Variants in MEF2C observed in about 807,000 individuals in gnomAD.
MEF2C encodes myocyte enhancer factor 2C.
A neutral mutation model predicts 50.5 loss-of-function variants in MEF2C; 6 were observed. That is an observed-to-expected ratio of 0.12 (90% CI 0.07 to 0.23). The LOEUF (loss-of-function observed/expected upper bound fraction) is 0.23, where lower values mean the gene tolerates loss of function less well. Among genes scored for constraint, MEF2C ranks in the 10% least tolerant of loss-of-function variants. The pLI, the probability that MEF2C is intolerant of heterozygous loss-of-function variation, is 1.00. For missense variants in MEF2C, 276 were observed against 605.0 expected, an observed-to-expected ratio of 0.46 and a Z score of 5.70; for synonymous variants, 183 against 228.0, an observed-to-expected ratio of 0.80 and a Z score of 1.78.
At chr5:88,729,494 C>T (rs1330867074) in intron 8 of MEF2C, 147 bp from the exon 9 acceptor site, 18 of 729,476 alleles carry the variant, frequency 2.5e-5, no homozygotes, top group Non-Finnish European at 3.6e-5. Context: ...ATGAACTCTG[C>T]CAACCCTATC....
At chr5:88,773,109 C>T (rs1399824471) in intron 3 of MEF2C, among the ~76,000 whole-genome samples, 2 of 152,220 alleles carry the variant, frequency 1.3e-5, no homozygotes, top group South Asian at 2.1e-4. Flanking sequence ...TGTGTTAGAA[C>T]GAAGTTCTAT....
At chr5:88,765,490 A>G (rs937774600) in intron 3 of MEF2C, among the ~76,000 whole-genome samples, 6 of 152,242 alleles carry the variant, frequency 3.9e-5, no homozygotes, top group South Asian at 2.1e-4. Flanking sequence ...AATGATAACA[A>G]AAGAATTTCT....
chr5:88,896,611 T>G (rs896180013), intron 1 of MEF2C, among the ~76,000 whole-genome samples: 12 of 152,262 alleles, frequency 7.9e-5, no homozygotes, highest in Non-Finnish European at 1.5e-4. Context: ...TAGTCTTAAA[T>G]CTTTAAATAA....
intron 1 of MEF2C, chr5:88,881,386 G>A (rs1044825456): frequency 2.6e-5 from 4 of 152,114 alleles, no homozygotes; most frequent in Admixed American, 1.3e-4. Context: ...TACACTGGAA[G>A]ACAATAATAT....
At chr5:88,758,474 T>C (rs146391659) in intron 4 of MEF2C, among the ~76,000 whole-genome samples, 1 of 152,320 alleles carries the variant, frequency 6.6e-6, no homozygotes, top group African/African-American at 2.4e-5. Flanking sequence ...AATTACAATA[T>C]ACTAACAGGT....
intron 2 of MEF2C, among the ~76,000 whole-genome samples, chr5:88,811,791 T>C (rs77725258): frequency 0.017 from 2,600 of 152,152 alleles, 31 homozygotes; most frequent in East Asian, 0.044. Flanking sequence ...CAAATTCACA[T>C]TATTAAAGAC....
intron 5 of MEF2C, chr5:88,750,185 T>C: frequency 1.9e-5 from 12 of 619,010 alleles, no homozygotes; most frequent in Non-Finnish European, 2.4e-5. Context: ...TGTTTGTTTA[T>C]ATATATACAT....
chr5:88,863,878 A>T (rs188322636), intron 1 of MEF2C, among the ~76,000 whole-genome samples: 48 of 151,212 alleles, frequency 3.2e-4, no homozygotes, highest in South Asian at 1.5e-3. Flanking sequence ...TTGGAGTGCA[A>T]TAGCACCATC....
chr5:88,746,798 A>C (rs1432935024), intron 6 of MEF2C: 1 of 554,616 alleles, frequency 1.8e-6, no homozygotes, highest in African/African-American at 2.1e-5. Context: ...GCTTGAGACT[A>C]AGTGGCATCT....
chr5:88,805,077 T>C (rs1011490662), intron 2 of MEF2C, among the ~76,000 whole-genome samples: 1 of 152,224 alleles, frequency 6.6e-6, no homozygotes, highest in African/African-American at 2.4e-5. Context: ...TGGTCATGTT[T>C]CTTTGAGCAA....
intron 1 of MEF2C, among the ~76,000 whole-genome samples, chr5:88,879,440 T>C (rs1832136662): frequency 6.6e-6 from 1 of 151,436 alleles, no homozygotes; most frequent in South Asian, 2.1e-4. Context: ...TTCACATATA[T>C]GGATTCATAA....
intron 10 of MEF2C, among the ~76,000 whole-genome samples, chr5:88,723,608 C>G (rs187621422): frequency 6.6e-6 from 1 of 152,322 alleles, no homozygotes; most frequent in East Asian, 1.9e-4. Context: ...ACTTTCTACT[C>G]CATTAAAACT....
At chr5:88,829,351 C>T (rs1374737965) in intron 1 of MEF2C, among the ~76,000 whole-genome samples, 1 of 151,954 alleles carries the variant, frequency 6.6e-6, no homozygotes, top group Non-Finnish European at 1.5e-5. Flanking sequence ...ATCGAATTTC[C>T]CTCTCATAAG....
At chr5:88,843,411 T>A in intron 1 of MEF2C, 1 of 985,198 alleles carries the variant, frequency 1.0e-6, no homozygotes, top group Non-Finnish European at 1.2e-6. Flanking sequence ...AAAAAATCAA[T>A]CTATCTTTGG....
At chr5:88,771,584 T>A (rs1260528538) in intron 3 of MEF2C, 1 of 985,288 alleles carries the variant, frequency 1.0e-6, no homozygotes, top group Non-Finnish European at 1.2e-6. Context: ...AAAATGGGCA[T>A]CTCTGGTCCC....
chr5:88,749,925 G>C (rs1294487288), intron 5 of MEF2C, among the ~76,000 whole-genome samples: 1 of 151,980 alleles, frequency 6.6e-6, no homozygotes, highest in Non-Finnish European at 1.5e-5. Flanking sequence ...AGCTACTCGG[G>C]AGGCTGAGGC....
intron 10 of MEF2C, among the ~76,000 whole-genome samples, chr5:88,725,613 T>C (rs1055601084): frequency 6.6e-6 from 1 of 152,042 alleles, no homozygotes; most frequent in African/African-American, 2.4e-5. Flanking sequence ...AAGTTACCCA[T>C]ATCAAGTCCT....
At chr5:88,818,450 T>TA (rs941275914) in intron 2 of MEF2C, among the ~76,000 whole-genome samples, 24 of 147,828 alleles carry the variant, frequency 1.6e-4, no homozygotes, top group South Asian at 1.1e-3. Context: ...ATTTCAAGGG[T>TA]AAAAAAAAAA....
At chr5:88,899,158 G>C (rs962479446) in intron 1 of MEF2C, among the ~76,000 whole-genome samples, 2 of 152,220 alleles carry the variant, frequency 1.3e-5, no homozygotes, top group African/African-American at 2.4e-5. Context: ...GAGACTTTTT[G>C]TATTATGTTA....
Sources: allele counts gnomAD v4.1 joint callset (sites outside exome capture counted in the v4.1 genomes callset), GRCh38; gene constraint gnomAD v4.1.1; transcripts MANE v1.5; gene names NCBI Gene and HGNC (gene_info 2026-07-23, HGNC 2026-07-21).